ILKAP: variants seen among roughly 807,000 people sequenced by gnomAD.
ILKAP encodes ILK associated serine/threonine phosphatase, also known as integrin-linked kinase-associated serine/threonine phosphatase 2C.
ILKAP carries 11 observed loss-of-function variants against 49.1 expected under a neutral mutation model. The observed-to-expected ratio is 0.22, with a 90% CI of 0.14 to 0.37. The LOEUF is 0.37. Ranked by LOEUF, ILKAP falls within the 10% of genes least tolerant of loss-of-function variation. The probability of loss-of-function intolerance (pLI) is 1.00; values close to 1 mark genes in which losing one functional copy is unlikely to be tolerated. For missense variants in ILKAP, 363 were observed against 510.8 expected (o/e 0.71, Z 2.79); for synonymous variants, 186 against 192.8 (o/e 0.96, Z 0.29).
At chr2:238,201,553 G>C (rs1694568389) in intron 1 of ILKAP, among the ~76,000 whole-genome samples, 1 of 152,178 alleles carries the variant, frequency 6.6e-6, no homozygotes, top group African/African-American at 2.4e-5. Context: ...GTTGGAAACT[G>C]AGTTTGGAAA....
intron 2 of ILKAP, 135 bp downstream of exon 2, chr2:238,194,670 C>G (rs886417746): frequency 6.7e-6 from 6 of 892,290 alleles, no homozygotes; most frequent in Non-Finnish European, 1.0e-5. Context: ...GCCATGGATT[C>G]AAAACTTAAA....
At chr2:238,180,651 T>C (rs1465152081) in intron 9 of ILKAP, among the ~76,000 whole-genome samples, 1 of 152,266 alleles carries the variant, frequency 6.6e-6, no homozygotes, top group East Asian at 1.9e-4. Context: ...CGACCCACGC[T>C]GCTGGTCTCT....
intron 9 of ILKAP, chr2:238,173,956 T>A: frequency 3.3e-6 from 1 of 303,640 alleles, no homozygotes; most frequent in Non-Finnish European, 6.1e-6. Flanking sequence ...ATCACACACC[T>A]AGGTCCCAAC....
chr2:238,176,946 T>TA (rs1362883857), intron 9 of ILKAP, among the ~76,000 whole-genome samples: 4 of 152,244 alleles, frequency 2.6e-5, no homozygotes, highest in African/African-American at 4.8e-5. Flanking sequence ...TAACCAAAGG[T>TA]ACAATGCTAG....
chr2:238,187,321 T>C (rs989683139), intron 5 of ILKAP, among the ~76,000 whole-genome samples: 1 of 152,182 alleles, frequency 6.6e-6, no homozygotes, highest in African/African-American at 2.4e-5. Context: ...CTCATCTCCA[T>C]GAGCAGACCT....
chr2:238,187,647 T>C (rs1006405579), intron 5 of ILKAP, among the ~76,000 whole-genome samples: 2 of 152,184 alleles, frequency 1.3e-5, no homozygotes, highest in Non-Finnish European at 2.9e-5. Flanking sequence ...CTAGCTCTGC[T>C]TGATCACCAT....
chr2:238,197,277 G>A (rs1028832920), intron 1 of ILKAP, among the ~76,000 whole-genome samples: 3 of 152,166 alleles, frequency 2.0e-5, no homozygotes, highest in African/African-American at 7.2e-5. Context: ...CCCGAAGTAG[G>A]TCACTTTTGC....
In ILKAP at chr2:238,190,877, T is replaced by TTA. The variant is rs1252463558; in HGVS notation, c.179-906_179-905insTA. Among the ~76,000 whole-genome samples, 603 of 95,140 alleles carry TTA rather than the reference T, an allele frequency of 6.3e-3. 14 individuals carry two copies. Among genetic ancestry groups the TTA allele is most frequent in the Middle Eastern group, 0.012 (2 of 162 alleles). 62.4% of individuals were successfully genotyped at this position (95,140 alleles called of 152,430 possible). ...GGCAAAGTAGTAAGACGTTTCTCTT[T>TTA]AAAAAAAAAAAAAAAAAAAAAAAAA... is the stretch of plus-strand genomic sequence containing the variant. On this transcript the variant is annotated intron_variant, in intron 3 of 11. Coordinates refer to ENST00000254654, the MANE Select transcript of ILKAP (RefSeq NM_030768.3).
Position 238,182,167 on chromosome 2 carries a change from T to C in ILKAP, c.734A>G (p.Asn245Ser). The C allele has an allele frequency of 1.2e-6, 2 of 1,613,798 alleles. No homozygotes were observed. Among genetic ancestry groups the C allele is most frequent in the South Asian group, 2.2e-5 (2 of 91,086 alleles). Residue 245 changes from asparagine to serine, a missense_variant, in exon 9 of 12, where the codon AAT becomes AGT. Physicochemically the swap from Asn to Ser is conservative, Grantham distance 46. This residue lies in a region of ILKAP where 166 missense variants were observed against 307.3 expected (regional missense o/e 0.54). Transcript: ENST00000254654. ...GGCTGCATGTTTTTGACTCTCCTCA[T>C]TATAACGACACAAGATTGCCTGGGA... ...GDSRAILCRYNEESQKHAALS... is the reference protein window; with the variant it reads ...GDSRAILCRYSEESQKHAALS...
intron 3 of ILKAP, among the ~76,000 whole-genome samples, chr2:238,192,371 A>C (rs924959122): frequency 5.9e-5 from 9 of 152,114 alleles, no homozygotes; most frequent in Non-Finnish European, 1.2e-4. Context: ...CTTAGTACAT[A>C]ATCAACTTTT....
At chr2:238,196,042 A>AC (rs1355691541) in intron 1 of ILKAP, among the ~76,000 whole-genome samples, 292 of 80,762 alleles carry the variant, frequency 3.6e-3, no homozygotes, top group Middle Eastern at 7.6e-3. Context: ...AGACTCTGTC[A>AC]CAAAAAAAAA....
At chr2:238,203,474 C>T in intron 1 of ILKAP, 25 bp downstream of exon 1, 2 of 1,235,570 alleles carry the variant, frequency 1.6e-6, no homozygotes, top group Admixed American at 3.3e-5. Flanking sequence ...CCTTCCCTGG[C>T]CGGCCCGGCG....
At chr2:238,198,747 C>T (rs4491682) in intron 1 of ILKAP, among the ~76,000 whole-genome samples, 42,090 of 151,900 alleles carry the variant, frequency 0.28, 6,224 homozygotes, top group South Asian at 0.37. Flanking sequence ...TATCTACATT[C>T]TGGAGCTAAG....
At chr2:238,189,001 AAAG>A (rs1241021589) in intron 4 of ILKAP, among the ~76,000 whole-genome samples, 1 of 152,228 alleles carries the variant, frequency 6.6e-6, no homozygotes, top group African/African-American at 2.4e-5. Flanking sequence ...AATCTGTGAC[AAAG>A]GACAATGCAG....
Position 238,178,776 on chromosome 2 carries a change from C to A in ILKAP, c.836+3289G>T, listed in dbSNP as rs554619161. Among the ~76,000 whole-genome samples the A allele has an allele frequency of 1.7e-4, 26 of 151,754 alleles. No homozygotes were observed. The East Asian group carries it at 3.3e-3, about 19-fold the overall frequency. On this transcript the variant is annotated intron_variant, in intron 9 of 11. Coordinates refer to ENST00000254654, the MANE Select transcript of ILKAP (RefSeq NM_030768.3). Reference sequence around the variant, plus strand: ...GCTTTTTAAAAAAATTTATTCCCTACACTGATGTAAATCAATTATTATTAT... The same window carrying A: ...GCTTTTTAAAAAAATTTATTCCCTAAACTGATGTAAATCAATTATTATTAT...
chr2:238,175,464 A>C (rs977958621), intron 9 of ILKAP, among the ~76,000 whole-genome samples: 1 of 152,176 alleles, frequency 6.6e-6, no homozygotes, highest in Non-Finnish European at 1.5e-5. Context: ...GAGAAAGCAC[A>C]ATGGACAGAA....
chr2:238,186,061 C>A (rs1370626813), intron 5 of ILKAP: 4 of 152,188 alleles, frequency 2.6e-5, no homozygotes, highest in African/African-American at 9.6e-5. Flanking sequence ...ACAAACAGAT[C>A]AAGTTATTTA....
At position 238,203,480 on chromosome 2, in the gene ILKAP, C is replaced by A; in HGVS notation, c.55+19G>T. On this transcript the variant is annotated intron_variant, in intron 1 of 11. Transcript: ENST00000254654. ...CCTGCTCTCCCTTCCCTGGCCGGCC[C>A]GGCGGCAACGCCGCTTACCGGCAGC... The A allele has an allele frequency of 1.6e-6, 2 of 1,242,396 alleles. No individual in the cohort carries two copies. The highest frequency in any genetic ancestry group is 1.6e-5 in the African/African-American group (1 of 62,668). 77.0% of individuals were successfully genotyped at this position (1,242,396 alleles called of 1,614,324 possible). A position where few individuals can be genotyped will look rare whatever the true frequency, so the allele number is the denominator to read the frequency against.
At chr2:238,192,721 G>C (rs989925251) in intron 3 of ILKAP, among the ~76,000 whole-genome samples, 20 of 107,582 alleles carry the variant, frequency 1.9e-4, no homozygotes, top group Non-Finnish European at 3.8e-4. Flanking sequence ...AAAAAAAAAA[G>C]AATGTGTTAT....
Sources: allele counts gnomAD v4.1 joint callset (sites outside exome capture counted in the v4.1 genomes callset), GRCh38; gene constraint gnomAD v4.1.1; regional missense constraint gnomAD v4.1.1; transcripts MANE v1.5; gene names NCBI Gene and HGNC (gene_info 2026-07-23, HGNC 2026-07-21).